The following DLG2 variants were observed in gnomAD, a reference collection of about 807,000 sequenced individuals.
DLG2 encodes the protein discs large MAGUK scaffold protein 2.
Under a neutral mutation model 132.5 loss-of-function variants are expected in DLG2, and 45 were observed. The observed-to-expected ratio is 0.34, with a 90% CI of 0.27 to 0.44. The LOEUF (loss-of-function observed/expected upper bound fraction) is 0.44, where lower values mean the gene tolerates loss of function less well. Ranked by LOEUF, DLG2 falls within the 20% of genes least tolerant of loss-of-function variation. The probability of loss-of-function intolerance (pLI) is 1.00; values close to 1 mark genes in which losing one functional copy is unlikely to be tolerated. For missense variants in DLG2, 1,045 were observed against 1,196.9 expected (o/e 0.87, Z 1.87); for synonymous variants, 424 against 419.6 (o/e 1.01, Z -0.13).
chr11:84,934,590 A>C (rs1335248049), intron 6 of DLG2, among the ~76,000 whole-genome samples: 1 of 116,532 alleles, frequency 8.6e-6, no homozygotes, highest in African/African-American at 3.3e-5. Flanking sequence ...AGACCTCATT[A>C]TTAGTCTGTT....
chr11:84,054,352 A>G (rs1426229287), intron 11 of DLG2, among the ~76,000 whole-genome samples: 2 of 151,990 alleles, frequency 1.3e-5, no homozygotes, highest in African/African-American at 4.8e-5. Flanking sequence ...AAACCCACAT[A>G]CACACTTCAG....
intron 7 of DLG2, among the ~76,000 whole-genome samples, chr11:84,483,000 A>G (rs904915976): frequency 2.6e-5 from 4 of 152,206 alleles, no homozygotes; most frequent in African/African-American, 9.7e-5. Context: ...TAGGCCAGAG[A>G]ATATATAATA....
chr11:84,444,441 T>C (rs973255481), intron 7 of DLG2, among the ~76,000 whole-genome samples: 2 of 152,172 alleles, frequency 1.3e-5, no homozygotes, highest in Non-Finnish European at 2.9e-5. Flanking sequence ...AAGGTAGGAA[T>C]CTATATTTTT....
chr11:85,302,467 C>T (rs535038015), intron 3 of DLG2, among the ~76,000 whole-genome samples: 1 of 152,100 alleles, frequency 6.6e-6, no homozygotes, highest in East Asian at 1.9e-4. Context: ...CCTACATTCC[C>T]CTTCTGAAGG....
intron 4 of DLG2, among the ~76,000 whole-genome samples, chr11:85,262,836 C>T (rs976223147): frequency 5.3e-5 from 8 of 152,072 alleles, no homozygotes; most frequent in Non-Finnish European, 7.4e-5. Flanking sequence ...TATGGAGCCA[C>T]GAGAATAAGC....
intron 18 of DLG2, among the ~76,000 whole-genome samples, chr11:83,754,923 A>C (rs1162066522): frequency 1.3e-5 from 2 of 151,434 alleles, no homozygotes; most frequent in African/African-American, 4.9e-5. Flanking sequence ...TAAGCAAGGA[A>C]GAAAACTAAC....
rs78231405 is a variant in DLG2, at chr11:84,436,976, C to G, written c.519+97594G>C. 9.9e-3 allele frequency among the ~76,000 whole-genome samples: 1,502 copies of G among 152,190 alleles called. 19 individuals carry two copies. The highest frequency in any genetic ancestry group is 0.034 in the African/African-American group (1,398 of 41,524). Reference sequence around the variant, plus strand: ...GTAACACATGTACTAGAGAAAGGCTCAGGTATTTATAACGCCCACTTCAGA... The same window carrying G: ...GTAACACATGTACTAGAGAAAGGCTGAGGTATTTATAACGCCCACTTCAGA... On this transcript the variant is annotated intron_variant, in intron 7 of 27. Coordinates refer to ENST00000376104, the MANE Select transcript of DLG2 (RefSeq NM_001142699.3).
intron 3 of DLG2, among the ~76,000 whole-genome samples, chr11:85,575,592 A>G (rs1037741405): frequency 1.3e-5 from 2 of 151,410 alleles, no homozygotes; most frequent in African/African-American, 4.8e-5. Context: ...TGCTCCTGGT[A>G]TTCCTGGAAT....
At chr11:84,952,973 G>C (rs1004477610) in intron 6 of DLG2, among the ~76,000 whole-genome samples, 4 of 152,170 alleles carry the variant, frequency 2.6e-5, no homozygotes, top group African/African-American at 9.7e-5. Flanking sequence ...CTTTCAGCTT[G>C]TTCATTCCAC....
chr11:85,617,813 C>A (rs1177083067), intron 2 of DLG2, among the ~76,000 whole-genome samples: 2 of 152,114 alleles, frequency 1.3e-5, no homozygotes, highest in African/African-American at 4.8e-5. Context: ...AAATGATAAG[C>A]CCCTGATAGA....
chr11:85,047,635 C>G (rs2154152593), intron 6 of DLG2, among the ~76,000 whole-genome samples: 1 of 151,862 alleles, frequency 6.6e-6, no homozygotes, highest in East Asian at 1.9e-4. Context: ...ACTCATACCT[C>G]TGGGCTATTA....
chr11:83,903,583 T>C (rs961490571), intron 15 of DLG2, among the ~76,000 whole-genome samples: 4 of 152,186 alleles, frequency 2.6e-5, no homozygotes, highest in African/African-American at 9.6e-5. Context: ...GCTAAAAATA[T>C]TCCTTTATTA....
chr11:84,736,184 T>C (rs907289676), intron 6 of DLG2, among the ~76,000 whole-genome samples: 1 of 152,002 alleles, frequency 6.6e-6, no homozygotes, highest in African/African-American at 2.4e-5. Context: ...TATGTCTTTG[T>C]CCTTATATGT....
intron 16 of DLG2, among the ~76,000 whole-genome samples, chr11:83,836,920 A>G (rs1324474570): frequency 6.6e-6 from 1 of 152,116 alleles, no homozygotes; most frequent in African/African-American, 2.4e-5. Context: ...ACAGAACAGC[A>G]GGGAGGGAGA....
At chr11:85,001,517 T>TA (rs2058210001) in intron 6 of DLG2, among the ~76,000 whole-genome samples, 1 of 152,260 alleles carries the variant, frequency 6.6e-6, no homozygotes, top group East Asian at 1.9e-4. Context: ...AGAGAGTATG[T>TA]AAAAATATGA....
At chr11:84,947,292 G>A (rs1211169528) in intron 6 of DLG2, among the ~76,000 whole-genome samples, 2 of 152,216 alleles carry the variant, frequency 1.3e-5, no homozygotes, top group South Asian at 2.1e-4. Flanking sequence ...TCACTGGAGG[G>A]TTCTATTTGG....
At chr11:83,850,160 G>GTGTGTTTT (rs1452960432) in intron 16 of DLG2, among the ~76,000 whole-genome samples, 153 of 124,364 alleles carry the variant, frequency 1.2e-3, no homozygotes, top group Middle Eastern at 0.012. Context: ...GTGTGTGTGT[G>GTGTGTTTT]TTTTTTTACT....
intron 6 of DLG2, among the ~76,000 whole-genome samples, chr11:84,940,231 AC>A (rs1268393843): frequency 6.6e-6 from 1 of 152,064 alleles, no homozygotes; most frequent in Non-Finnish European, 1.5e-5. Flanking sequence ...GCTCACTGCA[AC>A]CCCCGCCTCC....
chr11:85,622,284 A>G (rs941813609), intron 2 of DLG2, among the ~76,000 whole-genome samples: 3 of 152,194 alleles, frequency 2.0e-5, no homozygotes, highest in Admixed American at 6.5e-5. Context: ...ACCGTAGTAT[A>G]CAATATATTG....
Sources: allele counts gnomAD v4.1 joint callset (sites outside exome capture counted in the v4.1 genomes callset), GRCh38; gene constraint gnomAD v4.1.1; transcripts MANE v1.5; gene names NCBI Gene and HGNC (gene_info 2026-07-23, HGNC 2026-07-21).